The following RABGAP1L variants were observed in gnomAD, a reference collection of about 807,000 sequenced individuals.
The protein encoded by RABGAP1L is RAB GTPase activating protein 1 like, also known as rab GTPase-activating protein 1-like.
In RABGAP1L, 63 loss-of-function variants were observed where a neutral mutation model predicts 137.7. The ratio of observed to expected loss-of-function variants is 0.46; its 90% CI spans 0.37 to 0.56. The LOEUF (loss-of-function observed/expected upper bound fraction) is 0.56, where lower values mean the gene tolerates loss of function less well. Ranked by LOEUF, RABGAP1L falls within the 20% of genes least tolerant of loss-of-function variation. The probability of loss-of-function intolerance (pLI) is 0.00; values close to 1 mark genes in which losing one functional copy is unlikely to be tolerated. For missense variants in RABGAP1L, 1,095 were observed against 1,244.0 expected (o/e 0.88, Z 1.80); for synonymous variants, 431 against 433.7 (o/e 0.99, Z 0.08).
At chr1:174,739,592 G>C (rs898088656) in intron 17 of RABGAP1L, among the ~76,000 whole-genome samples, 1 of 152,084 alleles carries the variant, frequency 6.6e-6, no homozygotes, top group Non-Finnish European at 1.5e-5. Flanking sequence ...GACCTAAGAT[G>C]GATCTCCTGC....
chr1:174,579,349 A>G (rs1441252070), intron 13 of RABGAP1L, among the ~76,000 whole-genome samples: 1 of 152,168 alleles, frequency 6.6e-6, no homozygotes, highest in Non-Finnish European at 1.5e-5. Context: ...TTGAATGGCA[A>G]AGGGGAGTCC....
intron 17 of RABGAP1L, among the ~76,000 whole-genome samples, chr1:174,730,677 G>A (rs1240298836): frequency 6.6e-6 from 1 of 152,158 alleles, no homozygotes; most frequent in Non-Finnish European, 1.5e-5. Flanking sequence ...ACAGGATAAA[G>A]TGTCTATCCA....
chr1:174,498,421 A>C (rs1279779179), intron 13 of RABGAP1L, among the ~76,000 whole-genome samples: 1 of 152,168 alleles, frequency 6.6e-6, no homozygotes, highest in African/African-American at 2.4e-5. Flanking sequence ...ACTTTGAAAA[A>C]CCAGGTCTAT....
At chr1:174,500,081 T>TTC (rs1661119318) in intron 13 of RABGAP1L, among the ~76,000 whole-genome samples, 3 of 128,782 alleles carry the variant, frequency 2.3e-5, no homozygotes, top group African/African-American at 9.0e-5. Flanking sequence ...AGGCTTCTTC[T>TTC]TTTTTTTTTT....
At chr1:174,692,734 G>A (rs576571823) in intron 15 of RABGAP1L, among the ~76,000 whole-genome samples, 2 of 152,226 alleles carry the variant, frequency 1.3e-5, no homozygotes, top group Non-Finnish European at 2.9e-5. Flanking sequence ...AATTGTCAAT[G>A]TATAAGACAG....
chr1:174,699,524 G>C lies in RABGAP1L; in HGVS notation c.1900-1G>C. 1 of 1,610,802 alleles carries C rather than the reference G, an allele frequency of 6.2e-7. No homozygotes were observed. The highest frequency in any genetic ancestry group is 8.5e-7 in the Non-Finnish European group (1 of 1,178,534). On this transcript the variant is annotated splice_acceptor_variant, in intron 15 of 25. Coordinates refer to ENST00000681986, the MANE Select transcript of RABGAP1L (RefSeq NM_001366446.1). LOFTEE classifies it high-confidence loss of function. ...TTGTATATGTATATATTTTTCTGTA[G>C]ATGCCAGAGGAACAAGCATTCTGTG...
At chr1:174,526,310 A>G (rs371486596) in intron 13 of RABGAP1L, among the ~76,000 whole-genome samples, 45 of 151,962 alleles carry the variant, frequency 3.0e-4, no homozygotes, top group Middle Eastern at 3.4e-3. Context: ...TGTTGTTGTT[A>G]TTATGTCCTT....
rs535390917 is a variant in RABGAP1L, at chr1:174,196,449, C to A, written c.-33-22676C>A. Among the ~76,000 whole-genome samples, 3 of 152,158 alleles carry A rather than the reference C, an allele frequency of 2.0e-5. No individual in the cohort carries two copies. In the East Asian group the frequency reaches 5.8e-4, roughly 29 times the overall value. ...CTGTGTTAGCCAGGATAGTCTCGATCTCCTGACCTTGTGATCCACCCGCCT... is the reference window on the plus strand; with the variant it reads ...CTGTGTTAGCCAGGATAGTCTCGATATCCTGACCTTGTGATCCACCCGCCT... On this transcript the variant is annotated intron_variant, in intron 1 of 25. Coordinates refer to ENST00000681986, the MANE Select transcript of RABGAP1L (RefSeq NM_001366446.1).
At chr1:174,405,330 T>C (rs1214157829) in intron 13 of RABGAP1L, among the ~76,000 whole-genome samples, 1 of 152,226 alleles carries the variant, frequency 6.6e-6, no homozygotes, top group East Asian at 1.9e-4. Flanking sequence ...CAGTTTATCC[T>C]AGTAAAATAA....
intron 11 of RABGAP1L, among the ~76,000 whole-genome samples, chr1:174,355,183 A>G (rs1683518798): frequency 6.6e-6 from 1 of 152,104 alleles, no homozygotes; most frequent in Admixed American, 6.5e-5. Flanking sequence ...TTGCGGCACT[A>G]TTCACAATAG....
chr1:174,596,830 T>A (rs140053454), intron 13 of RABGAP1L, among the ~76,000 whole-genome samples: 103 of 152,262 alleles, frequency 6.8e-4, no homozygotes, highest in Non-Finnish European at 1.2e-3. Flanking sequence ...TTTACGCATA[T>A]GTAGATGTGG....
chr1:174,989,800 CA>C, intron 25 of RABGAP1L, 48 bp from the exon 26 acceptor site: 1 of 1,525,256 alleles, frequency 6.6e-7, no homozygotes, highest in South Asian at 1.2e-5. Flanking sequence ...TATTTATTGG[CA>C]AAGAGAAAAC....
At chr1:174,453,653 A>G (rs1655699684) in intron 13 of RABGAP1L, among the ~76,000 whole-genome samples, 1 of 152,258 alleles carries the variant, frequency 6.6e-6, no homozygotes, top group Admixed American at 6.5e-5. Flanking sequence ...AGCAGAAATT[A>G]ACTTTATTTT....
chr1:174,627,477 G>A (rs1373907202), intron 13 of RABGAP1L, among the ~76,000 whole-genome samples: 1 of 152,212 alleles, frequency 6.6e-6, no homozygotes, highest in Non-Finnish European at 1.5e-5. Context: ...TGGGAGAACA[G>A]TTCATGTAAT....
Position 174,448,389 on chromosome 1 carries a change from G to A in RABGAP1L, c.1710+54244G>A. 1.2e-6 allele frequency: 2 copies of A among 1,613,568 alleles called. No individual in the cohort carries two copies. The highest frequency in any genetic ancestry group is 1.7e-6 in the Non-Finnish European group (2 of 1,179,540). On this transcript the variant is annotated intron_variant, in intron 13 of 25. Transcript: ENST00000681986. This position sits in a 1 kb window ranked among gnomAD's most constrained non-coding sequence, Gnocchi z 4.2. ...TATGCTGATCTTTTCGTTGGAGTTA[G>A]CTGCTTGGTTCCTACTCTGTCACTT...
At chr1:174,859,482 C>CAAAAAAAAAAAAA (rs35464065) in intron 19 of RABGAP1L, among the ~76,000 whole-genome samples, 46 of 133,304 alleles carry the variant, frequency 3.5e-4, no homozygotes, top group South Asian at 1.6e-3. Context: ...GACTCCATCT[C>CAAAAAAAAAAAAA]AAAAAAAAAG....
intron 13 of RABGAP1L, among the ~76,000 whole-genome samples, chr1:174,560,146 A>AG (rs1473544083): frequency 1.3e-5 from 2 of 152,084 alleles, no homozygotes; most frequent in Admixed American, 6.6e-5. Context: ...AAAAAAAAAA[A>AG]AAAAGTTTCC....
intron 13 of RABGAP1L, among the ~76,000 whole-genome samples, chr1:174,550,988 A>ATATATACATATATATATATG (rs1558334311): frequency 1.0e-5 from 1 of 100,422 alleles, no homozygotes; most frequent in African/African-American, 6.3e-5. Flanking sequence ...ATATACATAT[A>ATATATACATATATATATATG]TATATATACA....
chr1:174,264,928 G>A (rs1458937745), intron 7 of RABGAP1L, among the ~76,000 whole-genome samples: 1 of 152,026 alleles, frequency 6.6e-6, no homozygotes, highest in Non-Finnish European at 1.5e-5. Flanking sequence ...AAAAGTTAAT[G>A]TAGGTACTTT....
Sources: gnomAD v4.1 joint callset for allele counts (sites outside exome capture counted in the v4.1 genomes callset) on GRCh38, gnomAD v4.1.1 for gene constraint, Gnocchi (gnomAD v3.1) non-coding constraint, MANE v1.5 for transcripts, NCBI Gene and HGNC (gene_info 2026-07-23, HGNC 2026-07-21) for gene names.